The following ME2 variants were observed in gnomAD, a reference collection of about 807,000 sequenced individuals.
ME2 encodes the protein NAD-dependent malic enzyme, mitochondrial.
A neutral mutation model predicts 73.7 loss-of-function variants in ME2; 60 were observed. The ratio of observed to expected loss-of-function variants is 0.81; its 90% CI spans 0.66 to 1.01. The LOEUF (loss-of-function observed/expected upper bound fraction) is 1.01, where lower values mean the gene tolerates loss of function less well. ME2 is among the 50% of genes least tolerant of loss of function. The probability of loss-of-function intolerance (pLI) is 0.00; values close to 1 mark genes in which losing one functional copy is unlikely to be tolerated. For synonymous variants in ME2, 199 were observed against 236.9 expected (o/e 0.84, Z 1.47); for missense variants, 594 against 705.5 (o/e 0.84, Z 1.79).
chr18:50,936,946 G>T (rs941596832), intron 13 of ME2, among the ~76,000 whole-genome samples: 1 of 152,060 alleles, frequency 6.6e-6, no homozygotes, highest in Non-Finnish European at 1.5e-5. Context: ...AAAATTTAAT[G>T]TAGAACGTTG....
chr18:50,928,535 G>A (rs1917619340), intron 12 of ME2, among the ~76,000 whole-genome samples: 1 of 152,128 alleles, frequency 6.6e-6, no homozygotes, highest in Admixed American at 6.6e-5. Flanking sequence ...ACTGCGCCCG[G>A]ACTGTTTTTG....
At chr18:50,919,208 C>T (rs984733730) in intron 7 of ME2, among the ~76,000 whole-genome samples, 2 of 152,122 alleles carry the variant, frequency 1.3e-5, no homozygotes, top group African/African-American at 2.4e-5. Context: ...TTCGTCTCCA[C>T]CTTAATACCA....
chr18:50,933,097 A>AAAT (rs1347428728), intron 13 of ME2: 1 of 152,208 alleles, frequency 6.6e-6, no homozygotes, highest in Non-Finnish European at 1.5e-5. Flanking sequence ...TGCTCTTTCT[A>AAAT]AATAGCTACT....
chr18:50,916,129 G>A, intron 4 of ME2, 39 bp from the exon 5 acceptor site: 2 of 1,330,578 alleles, frequency 1.5e-6, no homozygotes, highest in Non-Finnish European at 2.1e-6. Flanking sequence ...TAGAAACAAA[G>A]CTGTTGTGAA....
rs1918137860 is a variant in ME2, at chr18:50,948,334, G to A, written c.*1150G>A. 1 of 152,068 alleles carries A rather than the reference G, an allele frequency of 6.6e-6. No individual in the cohort carries two copies. The highest frequency in any genetic ancestry group is 2.4e-5 in the African/African-American group (1 of 41,386). 9.4% of individuals were successfully genotyped at this position (152,068 alleles called of 1,614,324 possible). A position where few individuals can be genotyped will look rare whatever the true frequency, so the allele number is the denominator to read the frequency against. On this transcript the variant is annotated 3_prime_UTR_variant, in exon 16 of 16. Transcript: ENST00000321341. The stretch of plus-strand genomic sequence containing the variant: ...TGGCTATCCAGAACAGTTTTCTTGT[G>A]TGGCTTGCATATTGAAGAATTCTAA...
intron 1 of ME2, among the ~76,000 whole-genome samples, chr18:50,889,490 A>T (rs981975409): frequency 6.6e-6 from 1 of 152,176 alleles, no homozygotes; most frequent in Non-Finnish European, 1.5e-5. Flanking sequence ...ACATCTCTTT[A>T]TCTGGCTCTT....
At chr18:50,908,511 G>C (rs1917068321) in intron 3 of ME2, among the ~76,000 whole-genome samples, 1 of 152,146 alleles carries the variant, frequency 6.6e-6, no homozygotes, top group Non-Finnish European at 1.5e-5. Context: ...CCTGCTTTGT[G>C]TTTGACACTG....
rs573338547 is a variant in ME2 at position 50,913,088 on chromosome 18, A to G, written c.392+138A>G. The G allele has an allele frequency of 4.6e-6, 3 of 649,356 alleles. No homozygotes were observed. In the African/African-American group the frequency reaches 5.7e-5, roughly 12 times the overall value. 40.2% of individuals were successfully genotyped at this position (649,356 alleles called of 1,614,324 possible). On this transcript the variant is annotated intron_variant, in intron 4 of 15. Coordinates refer to ENST00000321341, the MANE Select transcript of ME2 (RefSeq NM_002396.5). Reference sequence around the variant, plus strand: ...CCTCAGAAAAACGTAATTTTGATTAAAAGAGATTAACAAAATCCCAACATA... The same window carrying G: ...CCTCAGAAAAACGTAATTTTGATTAGAAGAGATTAACAAAATCCCAACATA...
chr18:50,879,532 G>A (rs953167861), intron 1 of ME2, among the ~76,000 whole-genome samples: 1 of 152,216 alleles, frequency 6.6e-6, no homozygotes. Context: ...CCAGGTTCCA[G>A]CGGCCGCGGC....
At chr18:50,939,524 T>A (rs777080481) in intron 13 of ME2, 46 bp from the exon 14 acceptor site, 1 of 1,335,074 alleles carries the variant, frequency 7.5e-7, no homozygotes, top group East Asian at 2.3e-5. Flanking sequence ...ACTTCTTTCA[T>A]AATTTGAAAA....
chr18:50,932,230 A>C, intron 12 of ME2, 28 bp from the exon 13 acceptor site: 1 of 1,583,196 alleles, frequency 6.3e-7, no homozygotes, highest in South Asian at 1.1e-5. Context: ...AAAATAACAA[A>C]ATTGAAGTTA....
intron 13 of ME2, among the ~76,000 whole-genome samples, chr18:50,937,508 A>T (rs1315390552): frequency 6.6e-6 from 1 of 152,218 alleles, no homozygotes; most frequent in East Asian, 1.9e-4. Context: ...GAAGATTACT[A>T]GTCATCTGAA....
chr18:50,944,670 G>T (rs1004125527), intron 15 of ME2, among the ~76,000 whole-genome samples: 7 of 152,148 alleles, frequency 4.6e-5, no homozygotes, highest in African/African-American at 1.7e-4. Context: ...GCTTGCAGTT[G>T]TTCCAGAATA....
Position 50,952,115 on chromosome 18 carries a change from G to A in ME2, c.*4931G>A, listed in dbSNP as rs1918240264. ...TATTCATATAGCTCTCAACTGATTGGTGATTTGCACTTTGTGCATCTAATT... is the reference window on the plus strand; with the variant it reads ...TATTCATATAGCTCTCAACTGATTGATGATTTGCACTTTGTGCATCTAATT... On this transcript the variant is annotated 3_prime_UTR_variant, in exon 16 of 16. Transcript: ENST00000321341. The A allele has an allele frequency of 6.6e-6, 1 of 152,116 alleles. No homozygotes were observed. The highest frequency in any genetic ancestry group is 1.5e-5 in the Non-Finnish European group (1 of 68,038). The allele number at this position is 152,116 out of a possible 1,614,324, so 9.4% of individuals were successfully genotyped here.
At chr18:50,879,475 C>T (rs1450607011) in intron 1 of ME2, among the ~76,000 whole-genome samples, 167 bp downstream of exon 1, 1 of 152,130 alleles carries the variant, frequency 6.6e-6, no homozygotes. Flanking sequence ...GGGAAGCGGT[C>T]TGCGGAGTCC....
chr18:50,904,126 C>T (rs1196140110), intron 2 of ME2, among the ~76,000 whole-genome samples: 1 of 152,148 alleles, frequency 6.6e-6, no homozygotes, highest in Non-Finnish European at 1.5e-5. Context: ...TAGCAGCATT[C>T]ATTTTAAAGT....
At chr18:50,938,022 C>A (rs1235171031) in intron 13 of ME2, among the ~76,000 whole-genome samples, 1 of 151,962 alleles carries the variant, frequency 6.6e-6, no homozygotes, top group Admixed American at 6.6e-5. Context: ...AATTGTAGAC[C>A]GTTAGGTATA....
chr18:50,938,848 G>T (rs979957016), intron 13 of ME2, among the ~76,000 whole-genome samples: 1 of 152,106 alleles, frequency 6.6e-6, no homozygotes, highest in Admixed American at 6.6e-5. Flanking sequence ...GTAGACAATT[G>T]AGTGAGAGTT....
In ME2 at chr18:50,947,065, C is replaced by G; in HGVS notation, c.1636C>G (p.Pro546Ala). 2 of 1,613,858 alleles carry G rather than the reference C, an allele frequency of 1.2e-6. No individual in the cohort carries two copies. Among genetic ancestry groups the G allele is most frequent in the East Asian group, 2.2e-5 (1 of 44,868 alleles). Reference sequence around the variant, plus strand: ...TAAAATGGCTTTCCGATACCCAGAACCTGAAGACAAGGCCAAATATGTTAA... The same window carrying G: ...TAAAATGGCTTTCCGATACCCAGAAGCTGAAGACAAGGCCAAATATGTTAA... Reference protein sequence around the residue: ...ANKMAFRYPEPEDKAKYVKER... With the variant: ...ANKMAFRYPEAEDKAKYVKER... Residue 546 changes from proline to alanine, a missense_variant, in exon 16 of 16, where the codon CCT becomes GCT. Transcript: ENST00000321341.
Sources: allele counts gnomAD v4.1 joint callset (sites outside exome capture counted in the v4.1 genomes callset), GRCh38; gene constraint gnomAD v4.1.1; transcripts MANE v1.5; gene names NCBI Gene and HGNC (gene_info 2026-07-23, HGNC 2026-07-21).